The following MFN1 variants were observed in gnomAD, a reference collection of about 807,000 sequenced individuals.
The protein encoded by MFN1 is mitofusin-1.
MFN1 carries 65 observed loss-of-function variants against 92.4 expected under a neutral mutation model. The ratio of observed to expected loss-of-function variants is 0.70; its 90% CI spans 0.58 to 0.86. The LOEUF (loss-of-function observed/expected upper bound fraction) is 0.86, where lower values mean the gene tolerates loss of function less well. Among genes scored for constraint, MFN1 ranks in the 40% least tolerant of loss-of-function variants. MFN1 has a pLI of 0.00. For synonymous variants in MFN1, 297 were observed against 300.9 expected, an observed-to-expected ratio of 0.99 and a Z score of 0.13; for missense variants, 781 against 868.0, an observed-to-expected ratio of 0.90 and a Z score of 1.26.
chr3:179,354,581 A>G (rs1712276953), intron 3 of MFN1, among the ~76,000 whole-genome samples: 1 of 152,202 alleles, frequency 6.6e-6, no homozygotes, highest in Admixed American at 6.5e-5. Context: ...GCAAGAAGGA[A>G]TTCCGGATGG....
intron 3 of MFN1, among the ~76,000 whole-genome samples, chr3:179,357,201 A>G (rs1470663635): frequency 6.6e-6 from 1 of 152,196 alleles, no homozygotes; most frequent in African/African-American, 2.4e-5. Flanking sequence ...GTCTATAGAA[A>G]GAATGGGGGT....
At position 179,386,521 on chromosome 3, in the gene MFN1, C is replaced by T. The variant is rs147200529; in HGVS notation, c.1904C>T (p.Thr635Ile). 2.5e-6 allele frequency: 4 copies of T among 1,613,888 alleles called. No homozygotes were observed. The African/African-American group carries it at 4.0e-5, about 16-fold the overall frequency. The stretch of plus-strand genomic sequence containing the variant: ...CTTTATGAAAGACTGAGCTGGACCA[C>T]CCATGCCAAGGAGCGAGCCTTTAAA... The part of the protein sequence containing the change: ...LYLYERLSWT[T>I]HAKERAFKQQ... Residue 635 changes from threonine (T) to isoleucine (I), a missense_variant, in exon 16 of 18, where the codon ACC becomes ATC. By Grantham distance (89) the Thr-to-Ile change is moderately conservative (BLOSUM62 -1). Transcript: ENST00000471841.
intron 9 of MFN1, among the ~76,000 whole-genome samples, chr3:179,369,311 A>C (rs532114716): frequency 5.9e-5 from 9 of 152,292 alleles, no homozygotes; most frequent in African/African-American, 1.9e-4. Context: ...TCCTGGGCTC[A>C]AATGATCCTC....
At chr3:179,368,196 T>C (rs1226270022) in intron 9 of MFN1, 93 bp downstream of exon 9, 8 of 985,342 alleles carry the variant, frequency 8.1e-6, no homozygotes, top group Non-Finnish European at 1.1e-5. Context: ...TCTTTGTCAA[T>C]AACTTTTGCT....
rs1246406110 is a variant in MFN1, at chr3:179,386,520, A to T, written c.1903A>T (p.Thr635Ser). Residue 635 changes from threonine (T) to serine (S), a missense_variant, in exon 16 of 18, where the codon ACC becomes TCC. Thr to Ser is a moderately conservative substitution (Grantham distance 58). Coordinates refer to ENST00000471841, the MANE Select transcript of MFN1 (RefSeq NM_033540.3). ...LYLYERLSWT[T>S]HAKERAFKQQ... ...TCTTTATGAAAGACTGAGCTGGACC[A>T]CCCATGCCAAGGAGCGAGCCTTTAA... 6.2e-7 allele frequency: 1 copy of T among 1,613,934 alleles called. No individual in the cohort carries two copies. The highest frequency in any genetic ancestry group is 8.5e-7 in the Non-Finnish European group (1 of 1,179,950).
intron 9 of MFN1, among the ~76,000 whole-genome samples, chr3:179,372,667 A>G (rs1457480624): frequency 6.6e-6 from 1 of 152,144 alleles, no homozygotes; most frequent in Non-Finnish European, 1.5e-5. Context: ...TTTGAATCAG[A>G]CAGTAACTTA....
chr3:179,369,283 C>T (rs997005617), intron 9 of MFN1, among the ~76,000 whole-genome samples: 6 of 152,096 alleles, frequency 3.9e-5, no homozygotes, highest in African/African-American at 9.7e-5. Context: ...GCAATCATAG[C>T]GCATTGCAGC....
At chr3:179,369,553 G>A (rs900898202) in intron 9 of MFN1, among the ~76,000 whole-genome samples, 2 of 152,128 alleles carry the variant, frequency 1.3e-5, no homozygotes, top group African/African-American at 4.8e-5. Context: ...TATAGCTTGT[G>A]CTTCCCAAGA....
intron 4 of MFN1, among the ~76,000 whole-genome samples, chr3:179,359,408 C>T (rs1163573606): frequency 1.3e-5 from 2 of 149,518 alleles, no homozygotes; most frequent in African/African-American, 2.5e-5. Flanking sequence ...GCGTGAGCCA[C>T]TGCACCCGGC....
intron 3 of MFN1, among the ~76,000 whole-genome samples, chr3:179,352,941 G>A (rs1365373440): frequency 6.6e-6 from 1 of 150,956 alleles, no homozygotes. Flanking sequence ...TAGTAGAGGT[G>A]GGGTTTCACC....
At chr3:179,374,258 A>G (rs903549196) in intron 9 of MFN1, among the ~76,000 whole-genome samples, 2 of 149,710 alleles carry the variant, frequency 1.3e-5, no homozygotes, top group Admixed American at 6.7e-5. Flanking sequence ...AGTCGAGATC[A>G]TGCCATTGCA....
chr3:179,381,863 A>T (rs1182813971), intron 14 of MFN1, among the ~76,000 whole-genome samples: 1 of 152,198 alleles, frequency 6.6e-6, no homozygotes, highest in African/African-American at 2.4e-5. Context: ...CAAAAATCCT[A>T]AAAAATCTGA....
At chr3:179,374,660 T>C (rs1040441716) in intron 9 of MFN1, among the ~76,000 whole-genome samples, 1 of 152,216 alleles carries the variant, frequency 6.6e-6, no homozygotes, top group South Asian at 2.1e-4. Context: ...GCTGCAGATA[T>C]TTTTTCTATA....
intron 9 of MFN1, among the ~76,000 whole-genome samples, chr3:179,374,348 CATATATA>C (rs1713143942): frequency 7.2e-6 from 1 of 138,078 alleles, no homozygotes; most frequent in African/African-American, 2.7e-5. Context: ...ATATATATAA[CATATATA>C]ACATATATAT....
chr3:179,348,972 T>C lies in MFN1; in HGVS notation c.112+9T>C, dbSNP rs749804350. The C allele has an allele frequency of 2.5e-6, 4 of 1,572,360 alleles. No homozygotes were observed. Among genetic ancestry groups the C allele is most frequent in the Non-Finnish European group, 3.5e-6 (4 of 1,153,412 alleles). ...ATCACATTTTGTTGAAGGTTAGTTC[T>C]TCTTAAGTTTTTAAAGTAATTACTG... is the stretch of plus-strand genomic sequence containing the variant. On this transcript the variant is annotated intron_variant, in intron 2 of 17. Coordinates refer to ENST00000471841, the MANE Select transcript of MFN1 (RefSeq NM_033540.3).
In MFN1 at chr3:179,393,131, T is replaced by TAAC. The variant is rs899288000; in HGVS notation, c.*1074_*1076dup. 41 of 152,312 alleles carry TAAC rather than the reference T, an allele frequency of 2.7e-4. No homozygotes were observed. The highest frequency in any genetic ancestry group is 8.9e-4 in the African/African-American group (37 of 41,576). The allele number at this position is 152,312 out of a possible 1,614,324, so 9.4% of individuals were successfully genotyped here. The stretch of plus-strand genomic sequence containing the variant: ...TTCAGTTATTTCTGATCCATAAATA[T>TAAC]AACATTTACAAAATTCTTCCTTGAG... On this transcript the variant is annotated 3_prime_UTR_variant, in exon 18 of 18. Coordinates refer to ENST00000471841, the MANE Select transcript of MFN1 (RefSeq NM_033540.3).
At chr3:179,353,460 G>A (rs1243836966) in intron 3 of MFN1, among the ~76,000 whole-genome samples, 9 of 151,958 alleles carry the variant, frequency 5.9e-5, no homozygotes, top group Admixed American at 2.6e-4. Context: ...CACTCACCTC[G>A]GCCTCCCAAA....
At chr3:179,361,597 C>T (rs1254836610) in intron 4 of MFN1, among the ~76,000 whole-genome samples, 1 of 150,020 alleles carries the variant, frequency 6.7e-6, no homozygotes, top group Non-Finnish European at 1.5e-5. Context: ...GGTGCAGTGG[C>T]GTGATCTTGG....
chr3:179,368,441 T>G (rs1225324429), intron 9 of MFN1, among the ~76,000 whole-genome samples: 1 of 152,146 alleles, frequency 6.6e-6, no homozygotes, highest in African/African-American at 2.4e-5. Flanking sequence ...TAATTGCTGT[T>G]GGAATGGATA....
Sources: gnomAD v4.1 joint callset for allele counts (sites outside exome capture counted in the v4.1 genomes callset) on GRCh38, gnomAD v4.1.1 for gene constraint, MANE v1.5 for transcripts, NCBI Gene and HGNC (gene_info 2026-07-23, HGNC 2026-07-21) for gene names.